Variants in PEAR1 observed in about 807,000 individuals in gnomAD.
PEAR1 encodes multiple EGF-like domains protein 12.
In PEAR1, 113 loss-of-function variants were observed where a neutral mutation model predicts 131.2. The ratio of observed to expected loss-of-function variants is 0.86; its 90% CI spans 0.74 to 1.01. The LOEUF (loss-of-function observed/expected upper bound fraction) is 1.01. Ranked by LOEUF, PEAR1 falls within the 50% of genes least tolerant of loss-of-function variation. PEAR1 has a pLI of 0.00. For missense variants in PEAR1, 1,408 were observed against 1,391.1 expected, an observed-to-expected ratio of 1.01 and a Z score of -0.19; for synonymous variants, 565 against 523.3, an observed-to-expected ratio of 1.08 and a Z score of -1.09.
chr1:156,905,119 T>G lies in PEAR1; in HGVS notation c.207-205T>G, dbSNP rs73006629. 5,370 of 1,247,290 alleles carry G rather than the reference T, an allele frequency of 4.3e-3. 189 individuals carry two copies. In the African/African-American group the frequency reaches 0.071, roughly 17 times the overall value. The allele number at this position is 1,247,290 out of a possible 1,614,324, so 77.3% of individuals were successfully genotyped here. A position where few individuals can be genotyped will look rare whatever the true frequency, so the allele number is the denominator to read the frequency against. On this transcript the variant is annotated intron_variant, in intron 3 of 22. Transcript: ENST00000292357. Reference sequence around the variant, plus strand: ...AAGAAGGGAATGCTCTTTCTTTTTTTAATAGACAAGGTCTCGCTCTGTCAC... The same window carrying G: ...AAGAAGGGAATGCTCTTTCTTTTTTGAATAGACAAGGTCTCGCTCTGTCAC...
rs1649827276 is a variant in PEAR1, at chr1:156,902,844, GC to G, written c.-9-1072del. 6.6e-6 allele frequency among the ~76,000 whole-genome samples: 1 copy of G among 152,160 alleles called. No homozygotes were observed. The highest frequency in any genetic ancestry group is 2.4e-5 in the African/African-American group (1 of 41,434). On this transcript the variant is annotated intron_variant, in intron 1 of 22. Transcript: ENST00000292357. This position sits in a 1 kb window ranked among gnomAD's most constrained non-coding sequence, Gnocchi z 4.3. ...TGAGCTCAGGAGCTGAGGCAGCAGA[GC>G]CGTCTGAAGTGCTGGGAGCCAGGGG...
rs1309928182 is a variant in PEAR1, at chr1:156,914,067, G to A, written c.2929G>A (p.Gly977Ser). Residue 977 changes from glycine to serine, a missense_variant, in exon 22 of 23, where the codon GGC becomes AGC. By Grantham distance (56) the Gly-to-Ser change is moderately conservative (BLOSUM62 0). Transcript: ENST00000292357. ...GCAACCCCAGCCACAGAGAGACAGTGGCACCTACGAGCAGCCCAGCCCCCT... is the reference window on the plus strand; with the variant it reads ...GCAACCCCAGCCACAGAGAGACAGTAGCACCTACGAGCAGCCCAGCCCCCT... ...RRQPQPQRDSGTYEQPSPLIH... is the reference protein window; with the variant it reads ...RRQPQPQRDSSTYEQPSPLIH... 3 of 1,606,384 alleles carry A rather than the reference G, an allele frequency of 1.9e-6. No individual in the cohort carries two copies. The highest frequency in any genetic ancestry group is 1.7e-5 in the Admixed American group (1 of 59,214).
rs1650941856 is a variant in PEAR1, at chr1:156,910,521, T to A, written c.1826-97T>A. 4 of 1,561,820 alleles carry A rather than the reference T, an allele frequency of 2.6e-6. No individual in the cohort carries two copies. In the African/African-American group the frequency reaches 5.4e-5, roughly 21 times the overall value. On this transcript the variant is annotated intron_variant, in intron 14 of 22. Coordinates refer to ENST00000292357, the MANE Select transcript of PEAR1 (RefSeq NM_001080471.3). The stretch of plus-strand genomic sequence containing the variant: ...CTCTTCCTCTGACCCGTCTTCAGAC[T>A]AGTTACTGCAGTGGGAAGGTGGGAG...
rs1249986593 is a variant in PEAR1, at chr1:156,905,175, T to C, written c.207-149T>C. Reference sequence around the variant, plus strand: ...CTGGAGTGCAGTGGCGAGATCGTAGTGCACTGCAACCTCAAACAGGGAATG... The same window carrying C: ...CTGGAGTGCAGTGGCGAGATCGTAGCGCACTGCAACCTCAAACAGGGAATG... On this transcript the variant is annotated intron_variant, in intron 3 of 22. Coordinates refer to ENST00000292357, the MANE Select transcript of PEAR1 (RefSeq NM_001080471.3). 6 of 1,045,976 alleles carry C rather than the reference T, an allele frequency of 5.7e-6. No individual in the cohort carries two copies. In the African/African-American group the frequency reaches 8.0e-5, roughly 14 times the overall value. 64.8% of individuals were successfully genotyped at this position (1,045,976 alleles called of 1,614,324 possible). A position where few individuals can be genotyped will look rare whatever the true frequency, so the allele number is the denominator to read the frequency against.
intron 15 of PEAR1, among the ~76,000 whole-genome samples, chr1:156,911,483 C>T (rs1651198735): frequency 6.6e-6 from 1 of 151,920 alleles, no homozygotes; most frequent in Non-Finnish European, 1.5e-5. Flanking sequence ...GGGGTTTCAT[C>T]ATATTGGCCA....
chr1:156,904,610 C>T (rs1392483625), intron 2 of PEAR1, 138 bp from the exon 3 acceptor site: 1 of 848,718 alleles, frequency 1.2e-6, no homozygotes, highest in Admixed American at 2.6e-5. Flanking sequence ...GATGGGGGTC[C>T]CATCCTAGGC....
intron 11 of PEAR1, 103 bp from the exon 12 acceptor site, chr1:156,909,648 A>T: frequency 7.6e-7 from 1 of 1,313,678 alleles, no homozygotes; most frequent in Non-Finnish European, 1.0e-6. Flanking sequence ...CCCCCCACCC[A>T]CCCCAGCTCA....
chr1:156,914,670 C>G lies in PEAR1; in HGVS notation c.2986C>G (p.Pro996Ala). 6.2e-7 allele frequency: 1 copy of G among 1,612,886 alleles called. No homozygotes were observed. The highest frequency in any genetic ancestry group is 8.5e-7 in the Non-Finnish European group (1 of 1,179,324). ...IHDRDSVGSQ[P>A]PLPPGLPPGH... ...AGACCGAGACTCTGTGGGCTCCCAGCCCCCTCTGCCTCCGGGCCTACCCCC... is the reference window on the plus strand; with the variant it reads ...AGACCGAGACTCTGTGGGCTCCCAGGCCCCTCTGCCTCCGGGCCTACCCCC... Residue 996 changes from proline to alanine, a missense_variant, in exon 23 of 23, where the codon CCC (proline) becomes GCC (alanine). By Grantham distance (27) the Pro-to-Ala change is conservative. Coordinates refer to ENST00000292357, the MANE Select transcript of PEAR1 (RefSeq NM_001080471.3).
Position 156,902,057 on chromosome 1 carries a change from C to T in PEAR1, c.-9-1861C>T, listed in dbSNP as rs1046597240. ...AGTGTCAGCTCTGGAGACAAGCTGC[C>T]AGAAAGAGGCTTCTGGTCATGGCCC... On this transcript the variant is annotated intron_variant, in intron 1 of 22. Transcript: ENST00000292357. This position sits in a 1 kb window ranked among gnomAD's most constrained non-coding sequence, Gnocchi z 4.3. The T allele has an allele frequency of 4.6e-5, 7 of 152,188 alleles. No homozygotes were observed. Among genetic ancestry groups the T allele is most frequent in the Admixed American group, 2.0e-4 (3 of 15,286 alleles). The allele number at this position is 152,188 out of a possible 1,614,324, so 9.4% of individuals were successfully genotyped here. A position where few individuals can be genotyped will look rare whatever the true frequency, so the allele number is the denominator to read the frequency against.
chr1:156,899,186 A>G (rs962031162), intron 1 of PEAR1, among the ~76,000 whole-genome samples: 2 of 152,180 alleles, frequency 1.3e-5, no homozygotes, highest in Admixed American at 1.3e-4. Flanking sequence ...AGAGGACTCA[A>G]GTTATGTATT....
At chr1:156,906,616 T>C in intron 5 of PEAR1, 21 bp from the exon 6 acceptor site, 4 of 1,613,834 alleles carry the variant, frequency 2.5e-6, no homozygotes, top group Non-Finnish European at 3.4e-6. Flanking sequence ...GTGACCCCCT[T>C]CCCGCCTCCT....
At chr1:156,911,503 C>T (rs1382105559) in intron 15 of PEAR1, among the ~76,000 whole-genome samples, 2 of 151,914 alleles carry the variant, frequency 1.3e-5, no homozygotes, top group Admixed American at 6.6e-5. Flanking sequence ...AGGCTGGTCT[C>T]GAACTCCTGA....
At chr1:156,911,076 T>TCTTTCTTTC (rs1553269253) in intron 15 of PEAR1, among the ~76,000 whole-genome samples, 9,223 of 104,932 alleles carry the variant, frequency 0.088, 523 homozygotes, top group African/African-American at 0.21. Flanking sequence ...TTTCTTTCTT[T>TCTTTCTTTC]CTTTCTTTCT....
chr1:156,905,912 T>C (rs1241058129), intron 4 of PEAR1, among the ~76,000 whole-genome samples: 1 of 151,894 alleles, frequency 6.6e-6, no homozygotes, highest in Non-Finnish European at 1.5e-5. Flanking sequence ...TCCTCCCACT[T>C]CCCTCAGCCA....
At chr1:156,899,446 G>A (rs1166115353) in intron 1 of PEAR1, among the ~76,000 whole-genome samples, 2 of 152,180 alleles carry the variant, frequency 1.3e-5, no homozygotes, top group Non-Finnish European at 2.9e-5. Context: ...TCAGGTTCTC[G>A]GGGGAGCCTG....
chr1:156,911,181 TTTC>T (rs1171010270), intron 15 of PEAR1, among the ~76,000 whole-genome samples: 23 of 129,466 alleles, frequency 1.8e-4, no homozygotes, highest in African/African-American at 4.2e-4. Context: ...CTTTCTTTTC[TTTC>T]TTCTTTCTTT....
Position 156,904,303 on chromosome 1 carries a change from C to T in PEAR1, c.101+276C>T, listed in dbSNP as rs1014744823. Among the ~76,000 whole-genome samples, 64 of 152,130 alleles carry T rather than the reference C, an allele frequency of 4.2e-4. 1 individual carries two copies. Among genetic ancestry groups the T allele is most frequent in the Non-Finnish European group, 2.4e-4 (16 of 68,016 alleles). ...GTGGGAGGCCAACTTTGGAACAGAG[C>T]GCAGAGTGGGAGCCATTCGTTGTGG... is the stretch of plus-strand genomic sequence containing the variant. On this transcript the variant is annotated intron_variant, in intron 2 of 22. Transcript: ENST00000292357.
At chr1:156,903,375 C>T (rs904803417) in intron 1 of PEAR1, among the ~76,000 whole-genome samples, 5 of 152,202 alleles carry the variant, frequency 3.3e-5, no homozygotes, top group Admixed American at 2.6e-4. Context: ...AAAGTTCTTC[C>T]TCTGACTGAG....
Position 156,910,244 on chromosome 1 carries a change from C to T in PEAR1, c.1689C>T (p.Cys563=). ...TGCTGTCTCCCACAGGTGCCCGCTG[C>T]CACCTGTCCTGCCCTGAGGGCTTAT... The part of the protein sequence containing the change: ...QCQAGWMGAR[C]HLSCPEGLWG... The change falls in exon 14 of 23, where the codon TGC becomes TGT. Residue 563 remains cysteine, a synonymous_variant. Coordinates refer to ENST00000292357, the MANE Select transcript of PEAR1 (RefSeq NM_001080471.3). 1 of 1,610,808 alleles carries T rather than the reference C, an allele frequency of 6.2e-7. No individual in the cohort carries two copies. Among genetic ancestry groups the T allele is most frequent in the Non-Finnish European group, 8.5e-7 (1 of 1,177,924 alleles).
Sources: gnomAD v4.1 joint callset for allele counts (sites outside exome capture counted in the v4.1 genomes callset) on GRCh38, gnomAD v4.1.1 for gene constraint, Gnocchi (gnomAD v3.1) non-coding constraint, MANE v1.5 for transcripts, NCBI Gene and HGNC (gene_info 2026-07-23, HGNC 2026-07-21) for gene names.